The following PITPNM2 variants were observed in gnomAD, a reference collection of about 807,000 sequenced individuals.
The protein encoded by PITPNM2 is phosphatidylinositol transfer protein membrane associated 2, also known as membrane-associated phosphatidylinositol transfer protein 2.
PITPNM2 carries 35 observed loss-of-function variants against 132.2 expected under a neutral mutation model. That is an observed-to-expected ratio of 0.26 (90% CI 0.20 to 0.35). The LOEUF (loss-of-function observed/expected upper bound fraction) is 0.35, where lower values mean the gene tolerates loss of function less well. Ranked by LOEUF, PITPNM2 falls within the 10% of genes least tolerant of loss-of-function variation. PITPNM2 has a pLI of 1.00. For synonymous variants in PITPNM2, 738 were observed against 799.2 expected (o/e 0.92, Z 1.29); for missense variants, 1,332 against 1,912.0 (o/e 0.70, Z 5.66).
rs762482291 is a variant in PITPNM2, at chr12:122,984,334, C to T, written c.*1693G>A. ...GAGGAGGAGGCACTGGCCACAGGGC[C>T]CCTGACAGGGGCTGTGATTGTCGGG... On this transcript the variant is annotated 3_prime_UTR_variant, in exon 26 of 26. Transcript: ENST00000320201. The T allele has an allele frequency of 6.6e-6, 1 of 152,620 alleles. No homozygotes were observed. Among genetic ancestry groups the T allele is most frequent in the Non-Finnish European group, 1.5e-5 (1 of 68,066 alleles). 9.5% of individuals were successfully genotyped at this position (152,620 alleles called of 1,614,324 possible). A position where few individuals can be genotyped will look rare whatever the true frequency, so the allele number is the denominator to read the frequency against.
At chr12:123,068,129 T>C (rs980115539) in intron 2 of PITPNM2, among the ~76,000 whole-genome samples, 1 of 152,166 alleles carries the variant, frequency 6.6e-6, no homozygotes, top group Admixed American at 6.5e-5. Context: ...GAACAGCTTT[T>C]TCTAGGCCCC....
rs2041813853 is a variant in PITPNM2 at position 123,077,101 on chromosome 12, A to G, written c.-96+33284T>C. Among the ~76,000 whole-genome samples the G allele has an allele frequency of 6.6e-6, 1 of 152,004 alleles. No individual in the cohort carries two copies. ...GGGGAAGAAATGATGCAGAATGTTG[A>G]CCCACTGGGCAGCAGGCTTGAAATC... On this transcript the variant is annotated intron_variant, in intron 2 of 25. Coordinates refer to ENST00000320201, the MANE Select transcript of PITPNM2 (RefSeq NM_020845.3). This position sits in a 1 kb window ranked among gnomAD's most constrained non-coding sequence, Gnocchi z 4.8.
At chr12:123,148,455 C>T (rs919130165) in intron 1 of PITPNM2, among the ~76,000 whole-genome samples, 5 of 152,116 alleles carry the variant, frequency 3.3e-5, no homozygotes, top group African/African-American at 9.7e-5. Flanking sequence ...AAGTACCAGA[C>T]GTTTCCTCTG....
In PITPNM2 at chr12:123,067,453, T is replaced by TCACA. The variant is rs55716436; in HGVS notation, c.-95-32772_-95-32769dup. ...CCTGGGAGACAAGGGTGAAACTCCA[T>TCACA]CACACACACACACACACACACACAC... is the stretch of plus-strand genomic sequence containing the variant. On this transcript the variant is annotated intron_variant, in intron 2 of 25. Transcript: ENST00000320201. Among the ~76,000 whole-genome samples, 723 of 136,734 alleles carry TCACA rather than the reference T, an allele frequency of 5.3e-3. 5 individuals carry two copies. The highest frequency in any genetic ancestry group is 9.5e-3 in the African/African-American group (340 of 35,766). 89.7% of individuals were successfully genotyped at this position (136,734 alleles called of 152,430 possible).
At chr12:123,145,473 A>G (rs187472340) in intron 1 of PITPNM2, among the ~76,000 whole-genome samples, 82 of 152,254 alleles carry the variant, frequency 5.4e-4, no homozygotes, top group African/African-American at 1.9e-3. Context: ...ATGACCTCTG[A>G]TCTTTCTGAC....
chr12:123,133,810 A>ACG (rs1438178629), intron 1 of PITPNM2, among the ~76,000 whole-genome samples: 1 of 107,162 alleles, frequency 9.3e-6, no homozygotes, highest in Non-Finnish European at 2.3e-5. Context: ...ACACACACAC[A>ACG]CACAGACACA....
At position 122,994,896 on chromosome 12, in the gene PITPNM2, C is replaced by T; in HGVS notation, c.2138G>A (p.Gly713Asp). ...STMLDGTGAL[G>D]RFDFEITDLF... Reference sequence around the variant, plus strand: ...GTCGGTGATCTCAAAGTCAAACCTGCCCAGGGCACCTGTGCCATCCAGCAT... The same window carrying T: ...GTCGGTGATCTCAAAGTCAAACCTGTCCAGGGCACCTGTGCCATCCAGCAT... Residue 713 changes from glycine to aspartate, a missense_variant, in exon 15 of 26, where the codon GGC becomes GAC. Coordinates refer to ENST00000320201, the MANE Select transcript of PITPNM2 (RefSeq NM_020845.3). The surrounding 1 kb of genome is among the most constrained non-coding windows in gnomAD (Gnocchi z 5.4). 1 of 1,612,390 alleles carries T rather than the reference C, an allele frequency of 6.2e-7. No homozygotes were observed.
chr12:123,016,323 C>CT lies in PITPNM2; in HGVS notation c.79-2282dup, dbSNP rs1192588654. 4.7e-3 allele frequency among the ~76,000 whole-genome samples: 672 copies of CT among 141,634 alleles called. 6 individuals are homozygous for CT. Among genetic ancestry groups the CT allele is most frequent in the African/African-American group, 0.015 (584 of 39,090 alleles). The allele number at this position is 141,634 out of a possible 152,430, so 92.9% of individuals were successfully genotyped here. A position where few individuals can be genotyped will look rare whatever the true frequency, so the allele number is the denominator to read the frequency against. On this transcript the variant is annotated intron_variant, in intron 3 of 25. Coordinates refer to ENST00000320201, the MANE Select transcript of PITPNM2 (RefSeq NM_020845.3). ...CCTGGGTGACAGAGCAAGATTCTGT[C>CT]TTTTTTTTTTTGATATGAAATCTCG...
chr12:123,149,041 C>T (rs1484556185), intron 1 of PITPNM2, among the ~76,000 whole-genome samples: 2 of 152,140 alleles, frequency 1.3e-5, no homozygotes, highest in Non-Finnish European at 2.9e-5. Context: ...AGACAGGACC[C>T]AGATCCCAGG....
At chr12:123,033,170 C>T (rs1000103074) in intron 3 of PITPNM2, among the ~76,000 whole-genome samples, 2 of 152,228 alleles carry the variant, frequency 1.3e-5, no homozygotes, top group African/African-American at 4.8e-5. Context: ...GAGGGCAAGC[C>T]CCACTGGGTC....
chr12:123,047,928 G>A (rs575163343), intron 2 of PITPNM2, among the ~76,000 whole-genome samples: 54 of 152,040 alleles, frequency 3.6e-4, no homozygotes, highest in Non-Finnish European at 6.5e-4. Flanking sequence ...GTGAAACCCC[G>A]TATCTACTAA....
chr12:123,147,186 C>T (rs1396031337), intron 1 of PITPNM2, among the ~76,000 whole-genome samples: 2 of 152,192 alleles, frequency 1.3e-5, no homozygotes, highest in African/African-American at 4.8e-5. Flanking sequence ...ACCCTGACTG[C>T]CTTACCCAGA....
At chr12:123,146,320 C>T (rs1166614172) in intron 1 of PITPNM2, among the ~76,000 whole-genome samples, 1 of 152,098 alleles carries the variant, frequency 6.6e-6, no homozygotes, top group Admixed American at 6.6e-5. Context: ...AACAGCTGGG[C>T]GTGGTGGCTC....
intron 21 of PITPNM2, 23 bp from the exon 22 acceptor site, chr12:122,987,682 G>A (rs747733030): frequency 6.2e-6 from 10 of 1,610,852 alleles, no homozygotes; most frequent in African/African-American, 2.7e-5. Flanking sequence ...GGCTGGTCAC[G>A]GGCTGGCTGT....
At chr12:123,032,942 G>A (rs2040145034) in intron 3 of PITPNM2, among the ~76,000 whole-genome samples, 1 of 152,226 alleles carries the variant, frequency 6.6e-6, no homozygotes, top group Admixed American at 6.5e-5. Context: ...GGGGAGCCTG[G>A]ACAAACCCTT....
chr12:123,101,044 G>A (rs2042551877), intron 2 of PITPNM2, among the ~76,000 whole-genome samples: 1 of 152,188 alleles, frequency 6.6e-6, no homozygotes, highest in African/African-American at 2.4e-5. Context: ...AGCTGCAAGT[G>A]CCAGGAGCCA....
At chr12:123,025,623 G>T (rs1178447465) in intron 3 of PITPNM2, among the ~76,000 whole-genome samples, 2 of 151,876 alleles carry the variant, frequency 1.3e-5, no homozygotes. Context: ...CTAGAGATGG[G>T]GTTTCACCAT....
chr12:123,055,855 A>T (rs1239548214), intron 2 of PITPNM2, among the ~76,000 whole-genome samples: 1 of 152,100 alleles, frequency 6.6e-6, no homozygotes. Context: ...CCCCCTCCAT[A>T]AAAGCATCCC....
chr12:122,988,182 G>A, intron 20 of PITPNM2, 52 bp downstream of exon 20: 1 of 1,461,136 alleles, frequency 6.8e-7, no homozygotes, highest in Non-Finnish European at 9.6e-7. Context: ...TGGACACGGA[G>A]GCTGGTGACA....
Sources: allele counts gnomAD v4.1 joint callset (sites outside exome capture counted in the v4.1 genomes callset), GRCh38; gene constraint gnomAD v4.1.1; non-coding constraint Gnocchi (gnomAD v3.1); transcripts MANE v1.5; gene names NCBI Gene and HGNC (gene_info 2026-07-23, HGNC 2026-07-21).